Variants in RAP2A observed in about 807,000 individuals in gnomAD.
RAP2A encodes ras-related protein Rap-2a.
Under a neutral mutation model 15.1 loss-of-function variants are expected in RAP2A, and 5 were observed. The observed-to-expected ratio is 0.33, with a 90% CI of 0.17 to 0.70. RAP2A has a LOEUF of 0.70. Ranked by LOEUF, RAP2A falls within the 30% of genes least tolerant of loss-of-function variation. The pLI, the probability that RAP2A is intolerant of heterozygous loss-of-function variation, is 0.68. For missense variants in RAP2A, 111 were observed against 240.3 expected (o/e 0.46, Z 3.56); for synonymous variants, 110 against 99.7 (o/e 1.10, Z -0.62).
chr13:97,449,966 T>G (rs2066695497), intron 1 of RAP2A, among the ~76,000 whole-genome samples: 1 of 130,944 alleles, frequency 7.6e-6, no homozygotes, highest in Non-Finnish European at 1.5e-5. Context: ...GTGTTTGGGG[T>G]TTTTTTTTTT....
At position 97,434,390 on chromosome 13, in the gene RAP2A, G is replaced by C. The variant is rs1260002599; in HGVS notation, c.-81G>C. On this transcript the variant is annotated 5_prime_UTR_variant, in exon 1 of 2. Coordinates refer to ENST00000245304, the MANE Select transcript of RAP2A (RefSeq NM_021033.7). ...GCGGGAGGCGGCGGGGCGGGCCGCC[G>C]GGGCCGGGGCTGGGGGCGCAGCGCG... The C allele has an allele frequency of 1.4e-5, 14 of 1,022,780 alleles. No homozygotes were observed. The highest frequency in any genetic ancestry group is 1.6e-5 in the Non-Finnish European group (14 of 853,060). 63.4% of individuals were successfully genotyped at this position (1,022,780 alleles called of 1,614,324 possible).
chr13:97,438,901 C>G (rs2066645344), intron 1 of RAP2A, among the ~76,000 whole-genome samples: 1 of 152,120 alleles, frequency 6.6e-6, no homozygotes, highest in Admixed American at 6.5e-5. Flanking sequence ...GTTGTTTGGC[C>G]TCAGTTTCCC....
At chr13:97,454,630 CTA>C (rs1211630422) in intron 1 of RAP2A, among the ~76,000 whole-genome samples, 1 of 151,124 alleles carries the variant, frequency 6.6e-6, no homozygotes, top group Non-Finnish European at 1.5e-5. Context: ...TCAAAAAGGA[CTA>C]TAATTTTTTG....
chr13:97,434,710 C>A lies in RAP2A; in HGVS notation c.240C>A (p.Leu80=). 6.2e-7 allele frequency: 1 copy of A among 1,614,162 alleles called. No homozygotes were observed. Among genetic ancestry groups the A allele is most frequent in the South Asian group, 1.1e-5 (1 of 91,082 alleles). Residue 80 remains leucine (L), a synonymous_variant, in exon 1 of 2, where the codon CTC becomes CTA. Transcript: ENST00000245304. ...LYIKNGQGFI[L]VYSLVNQQSF... is the part of the protein sequence containing the mutation. The stretch of plus-strand genomic sequence containing the variant: ...TCAAGAACGGCCAGGGCTTCATCCT[C>A]GTCTACAGCCTCGTCAACCAGCAGA...
intron 1 of RAP2A, among the ~76,000 whole-genome samples, chr13:97,452,717 T>C (rs2153179874): frequency 6.6e-6 from 1 of 151,236 alleles, no homozygotes; most frequent in East Asian, 1.9e-4. Flanking sequence ...ATAGAATCCA[T>C]AAGTCAATTA....
At chr13:97,440,036 T>TA (rs2066650555) in intron 1 of RAP2A, among the ~76,000 whole-genome samples, 1 of 152,146 alleles carries the variant, frequency 6.6e-6, no homozygotes. Flanking sequence ...TACCAATTGT[T>TA]ACACATAGAT....
At chr13:97,455,492 C>CAG (rs1450557741) in intron 1 of RAP2A, among the ~76,000 whole-genome samples, 1 of 151,428 alleles carries the variant, frequency 6.6e-6, no homozygotes, top group Non-Finnish European at 1.5e-5. Flanking sequence ...GGCCCTGTTA[C>CAG]AGTCCTCTGT....
chr13:97,451,559 C>T (rs1015759642), intron 1 of RAP2A, among the ~76,000 whole-genome samples: 54 of 152,230 alleles, frequency 3.5e-4, no homozygotes, highest in African/African-American at 1.3e-3. Context: ...ACCAGGATTT[C>T]ATTAATTGTT....
Position 97,444,317 on chromosome 13 carries a change from T to C in RAP2A, c.314+9533T>C, listed in dbSNP as rs187345100. On this transcript the variant is annotated intron_variant, in intron 1 of 1. Transcript: ENST00000245304. ...AGTACACATATTTTAAATATTAATA[T>C]GTGACATAAAAAGCAATCAGCATAT... Among the ~76,000 whole-genome samples, 6 of 151,882 alleles carry C rather than the reference T, an allele frequency of 4.0e-5. No homozygotes were observed. In the East Asian group the frequency reaches 9.7e-4, roughly 25 times the overall value.
rs530161938 is a variant in RAP2A, at chr13:97,467,050, C to T, written c.*2608C>T. On this transcript the variant is annotated 3_prime_UTR_variant, in exon 2 of 2. Coordinates refer to ENST00000245304, the MANE Select transcript of RAP2A (RefSeq NM_021033.7). ...TTATTTTATGCCCTGATCAGACTAG[C>T]AACTTAGATAAGTGAAAGTTTTTCT... 8 of 152,714 alleles carry T rather than the reference C, an allele frequency of 5.2e-5. No individual in the cohort carries two copies. Among genetic ancestry groups the T allele is most frequent in the African/African-American group, 1.7e-4 (7 of 41,570 alleles). 9.5% of individuals were successfully genotyped at this position (152,714 alleles called of 1,614,324 possible).
At position 97,468,715 on chromosome 13, in the gene RAP2A, C is replaced by T. The variant is rs144638653; in HGVS notation, c.*4273C>T. ...AAACATGCCTATATTTTAGGAATAT[C>T]TTCTGAAGAACTTCATAATTTTATT... On this transcript the variant is annotated 3_prime_UTR_variant, in exon 2 of 2. Transcript: ENST00000245304. The T allele has an allele frequency of 9.6e-4, 146 of 152,296 alleles. No homozygotes were observed. The highest frequency in any genetic ancestry group is 3.5e-3 in the African/African-American group (146 of 41,560). 9.4% of individuals were successfully genotyped at this position (152,296 alleles called of 1,614,324 possible). A position where few individuals can be genotyped will look rare whatever the true frequency, so the allele number is the denominator to read the frequency against.
intron 1 of RAP2A, among the ~76,000 whole-genome samples, chr13:97,456,244 G>C (rs1393536779): frequency 6.7e-6 from 1 of 148,320 alleles, no homozygotes; most frequent in Non-Finnish European, 1.5e-5. Flanking sequence ...GCACCAGGAA[G>C]TGCCCACCCT....
At chr13:97,459,700 G>A (rs1249894147) in intron 1 of RAP2A, among the ~76,000 whole-genome samples, 1 of 152,148 alleles carries the variant, frequency 6.6e-6, no homozygotes, top group African/African-American at 2.4e-5. Flanking sequence ...TCCCAACAAG[G>A]CCTGGGATCA....
At chr13:97,434,827 T>C in intron 1 of RAP2A, 43 bp downstream of exon 1, 1 of 1,603,326 alleles carries the variant, frequency 6.2e-7, no homozygotes, top group South Asian at 1.1e-5. Context: ...CACCCCGGAG[T>C]CACCGTCCCG....
At chr13:97,459,517 C>T (rs1021709497) in intron 1 of RAP2A, among the ~76,000 whole-genome samples, 6 of 152,190 alleles carry the variant, frequency 3.9e-5, no homozygotes, top group Non-Finnish European at 7.3e-5. Flanking sequence ...TGCCAGAGTC[C>T]TGCAGGAGGC....
In RAP2A at chr13:97,466,788, T is replaced by C. The variant is rs1388438110; in HGVS notation, c.*2346T>C. ...TTACTGTCAAGACATGAATAAGAAC[T>C]GATCTGGCTGCCTGATGAGTGTTTC... On this transcript the variant is annotated 3_prime_UTR_variant, in exon 2 of 2. Transcript: ENST00000245304. 2 of 152,184 alleles carry C rather than the reference T, an allele frequency of 1.3e-5. No homozygotes were observed. The highest frequency in any genetic ancestry group is 2.9e-5 in the Non-Finnish European group (2 of 68,014). The allele number at this position is 152,184 out of a possible 1,614,324, so 9.4% of individuals were successfully genotyped here.
chr13:97,464,690 T>C lies in RAP2A; in HGVS notation c.*248T>C. On this transcript the variant is annotated 3_prime_UTR_variant, in exon 2 of 2. Transcript: ENST00000245304. ...GCAACTTTAAGGCATAGTCCATCGA[T>C]CTACAGGGTGATCTCATTTGAAAGC... 2.0e-6 allele frequency: 1 copy of C among 506,326 alleles called. No individual in the cohort carries two copies. 31.4% of individuals were successfully genotyped at this position (506,326 alleles called of 1,614,324 possible).
intron 1 of RAP2A, among the ~76,000 whole-genome samples, chr13:97,446,162 CTTG>C (rs1023435335): frequency 2.0e-5 from 3 of 152,254 alleles, no homozygotes; most frequent in South Asian, 2.1e-4. Flanking sequence ...CAGGTCTATG[CTTG>C]TTGTTCTCTA....
chr13:97,448,886 T>C (rs1331081510), intron 1 of RAP2A, among the ~76,000 whole-genome samples: 1 of 152,136 alleles, frequency 6.6e-6, no homozygotes, highest in Non-Finnish European at 1.5e-5. Flanking sequence ...GAGGGCTTTA[T>C]GGGGCAATGG....
Sources: allele counts gnomAD v4.1 joint callset (sites outside exome capture counted in the v4.1 genomes callset), GRCh38; gene constraint gnomAD v4.1.1; transcripts MANE v1.5; gene names NCBI Gene and HGNC (gene_info 2026-07-23, HGNC 2026-07-21).